SORCS2: variants seen among roughly 807,000 people sequenced by gnomAD.
The protein encoded by SORCS2 is sortilin related VPS10 domain containing receptor 2.
In SORCS2, 100 loss-of-function variants were observed where a neutral mutation model predicts 141.6. The ratio of observed to expected loss-of-function variants is 0.71; its 90% CI spans 0.60 to 0.83. The LOEUF is 0.83. Among genes scored for constraint, SORCS2 ranks in the 40% least tolerant of loss-of-function variants. The pLI is 0.00. For missense variants in SORCS2, 1,646 were observed against 1,560.2 expected (o/e 1.05, Z -0.93); for synonymous variants, 789 against 676.9 (o/e 1.17, Z -2.57).
chr4:7,550,129 T>G (rs1214029108), intron 3 of SORCS2, among the ~76,000 whole-genome samples: 1 of 63,622 alleles, frequency 1.6e-5, no homozygotes. Context: ...TGTGTATGTG[T>G]GTATGTGTGT....
chr4:7,709,096 G>A (rs1406058298), intron 14 of SORCS2, among the ~76,000 whole-genome samples: 2 of 152,200 alleles, frequency 1.3e-5, no homozygotes, highest in East Asian at 3.9e-4. Flanking sequence ...GAGGGAGGAA[G>A]GGAGTCCCGC....
intron 1 of SORCS2, among the ~76,000 whole-genome samples, chr4:7,391,441 G>C (rs1386911519): frequency 6.6e-6 from 1 of 152,224 alleles, no homozygotes. Flanking sequence ...GCACAGAGCA[G>C]AGGACCCTCC....
intron 2 of SORCS2, chr4:7,460,188 T>A (rs12498272): frequency 0.85 from 132,150 of 154,834 alleles, 56,603 homozygotes; most frequent in Middle Eastern, 0.91. Context: ...GCGTGCCAGC[T>A]AGTAGAATCC....
At chr4:7,662,864 G>C (rs926816145) in intron 6 of SORCS2, among the ~76,000 whole-genome samples, 26 of 152,368 alleles carry the variant, frequency 1.7e-4, no homozygotes, top group African/African-American at 6.3e-4. Flanking sequence ...CAGCCTGAGA[G>C]GTGGCCCTGG....
chr4:7,727,002 C>A, intron 21 of SORCS2, 99 bp downstream of exon 21: 1 of 1,405,646 alleles, frequency 7.1e-7, no homozygotes, highest in Non-Finnish European at 9.6e-7. Context: ...ATGTCCTGGT[C>A]ACCCTGAGTG....
chr4:7,538,324 T>C (rs1712293518), intron 3 of SORCS2, among the ~76,000 whole-genome samples: 1 of 152,192 alleles, frequency 6.6e-6, no homozygotes, highest in Non-Finnish European at 1.5e-5. Context: ...GGCAGCCTAC[T>C]ATTGTCATGG....
chr4:7,335,969 C>T (rs1296715505), intron 1 of SORCS2, among the ~76,000 whole-genome samples: 1 of 152,220 alleles, frequency 6.6e-6, no homozygotes, highest in East Asian at 1.9e-4. Context: ...CCCCTCCTGG[C>T]CGGGGCTTGG....
At chr4:7,526,549 T>C (rs1733707265) in intron 2 of SORCS2, among the ~76,000 whole-genome samples, 1 of 152,182 alleles carries the variant, frequency 6.6e-6, no homozygotes, top group Admixed American at 6.5e-5. Context: ...CAGGGGATTC[T>C]TGGGGCAGTG....
At chr4:7,708,165 G>A (rs1725593960) in intron 14 of SORCS2, among the ~76,000 whole-genome samples, 1 of 152,196 alleles carries the variant, frequency 6.6e-6, no homozygotes, top group African/African-American at 2.4e-5. Flanking sequence ...CCGCAAATGA[G>A]CCCTCAACTG....
intron 4 of SORCS2, among the ~76,000 whole-genome samples, chr4:7,638,891 T>C (rs1360841479): frequency 2.6e-5 from 4 of 152,184 alleles, no homozygotes; most frequent in East Asian, 1.9e-4. Context: ...TTTCCCTCAG[T>C]GTGGAATGTT....
chr4:7,614,482 G>A (rs1044895989), intron 3 of SORCS2, among the ~76,000 whole-genome samples: 3 of 125,802 alleles, frequency 2.4e-5, no homozygotes, highest in Non-Finnish European at 4.9e-5. Flanking sequence ...ACCCATCCAC[G>A]CATCCACCAT....
At chr4:7,707,573 G>A (rs753316042) in intron 14 of SORCS2, among the ~76,000 whole-genome samples, 2 of 152,212 alleles carry the variant, frequency 1.3e-5, no homozygotes, top group Non-Finnish European at 2.9e-5. Context: ...CTGCCACCAG[G>A]CCTGGGCTGC....
chr4:7,640,145 G>C (rs1169654509), intron 4 of SORCS2, among the ~76,000 whole-genome samples: 1 of 151,684 alleles, frequency 6.6e-6, no homozygotes, highest in African/African-American at 2.4e-5. Flanking sequence ...GTGTACATGA[G>C]TGTGTGGTGT....
At position 7,485,476 on chromosome 4, in the gene SORCS2, G is replaced by T. The variant is rs1419502028; in HGVS notation, c.549-46054G>T. Among the ~76,000 whole-genome samples, 5 of 152,344 alleles carry T rather than the reference G, an allele frequency of 3.3e-5. No individual in the cohort carries two copies. In the East Asian group the frequency reaches 7.7e-4, roughly 24 times the overall value. On this transcript the variant is annotated intron_variant, in intron 2 of 26. Transcript: ENST00000507866. ...CCCACCCCTCACCTGGAGCCCCAGG[G>T]CCCCCTGCCGGGCCTCATGTCTGCC...
intron 1 of SORCS2, among the ~76,000 whole-genome samples, chr4:7,308,525 A>G (rs1717980536): frequency 6.6e-6 from 1 of 152,102 alleles, no homozygotes; most frequent in Non-Finnish European, 1.5e-5. Context: ...GCGGTGTCAG[A>G]CTGGCCTGTT....
intron 26 of SORCS2, among the ~76,000 whole-genome samples, chr4:7,738,777 G>A (rs1006334917): frequency 3.9e-5 from 6 of 152,106 alleles, no homozygotes; most frequent in Admixed American, 1.3e-4. Flanking sequence ...CGCTCACCCC[G>A]GCCAGCCAGA....
At chr4:7,433,197 CT>C (rs1727004428) in intron 2 of SORCS2, 1 of 1,124,458 alleles carries the variant, frequency 8.9e-7, no homozygotes, top group East Asian at 2.9e-5. Context: ...AACTTCAGCT[CT>C]GCTCCTTCCC....
At chr4:7,367,298 C>T (rs7439390) in intron 1 of SORCS2, among the ~76,000 whole-genome samples, 51,617 of 152,062 alleles carry the variant, frequency 0.34, 8,844 homozygotes, top group East Asian at 0.45. Context: ...AATGGTGACC[C>T]GGCAAATTCA....
intron 2 of SORCS2, among the ~76,000 whole-genome samples, chr4:7,466,197 C>T (rs1431117015): frequency 6.6e-6 from 1 of 152,196 alleles, no homozygotes; most frequent in South Asian, 2.1e-4. Flanking sequence ...CTGATGAGAA[C>T]TTCAGGGCAG....
Sources: gnomAD v4.1 joint callset for allele counts (sites outside exome capture counted in the v4.1 genomes callset) on GRCh38, gnomAD v4.1.1 for gene constraint, MANE v1.5 for transcripts, NCBI Gene and HGNC (gene_info 2026-07-23, HGNC 2026-07-21) for gene names.